The following CFAP100 variants were observed in gnomAD, a reference collection of about 807,000 sequenced individuals.
The protein encoded by CFAP100 is cilia and flagella associated protein 100.
A neutral mutation model predicts 81.5 loss-of-function variants in CFAP100; 70 were observed. The observed-to-expected ratio is 0.86, with a 90% CI of 0.71 to 1.05. CFAP100 has a LOEUF of 1.05. Ranked by LOEUF, CFAP100 falls within the 50% of genes least tolerant of loss-of-function variation. The pLI is 0.00. For synonymous variants in CFAP100, 341 were observed against 314.8 expected (o/e 1.08, Z -0.88); for missense variants, 811 against 776.5 (o/e 1.04, Z -0.53).
chr3:126,407,363 G>A (rs967131150), intron 3 of CFAP100, 111 bp downstream of exon 3: 8 of 613,978 alleles, frequency 1.3e-5, no homozygotes, highest in South Asian at 2.3e-5. Context: ...AGAAGGAAAT[G>A]TTTCTCTTTC....
At chr3:126,413,732 C>A (rs1466010947) in intron 3 of CFAP100, among the ~76,000 whole-genome samples, 1 of 152,226 alleles carries the variant, frequency 6.6e-6, no homozygotes, top group Non-Finnish European at 1.5e-5. Flanking sequence ...CCCTGGTCAC[C>A]AGGCCCATCA....
intron 11 of CFAP100, 46 bp from the exon 12 acceptor site, chr3:126,423,279 C>T (rs1242826211): frequency 1.3e-6 from 2 of 1,548,802 alleles, no homozygotes; most frequent in African/African-American, 1.4e-5. Context: ...TGGCTCCTGT[C>T]TGCTCAGGCT....
chr3:126,428,468 C>T (rs905592272), intron 13 of CFAP100, among the ~76,000 whole-genome samples: 2 of 152,110 alleles, frequency 1.3e-5, no homozygotes, highest in African/African-American at 2.4e-5. Context: ...TTTGTCCAAA[C>T]CCATAGAATA....
Position 126,419,115 on chromosome 3 carries a change from T to C in CFAP100, c.690T>C (p.Leu230=), listed in dbSNP as rs1178883429. 6.3e-7 allele frequency: 1 copy of C among 1,583,042 alleles called. No individual in the cohort carries two copies. The change falls in exon 8 of 17, where the codon CTT becomes CTC. Residue 230 remains leucine (L), a synonymous_variant. Coordinates refer to ENST00000352312, the MANE Select transcript of CFAP100 (RefSeq NM_182628.3). The part of the protein sequence containing the change: ...KETKAKIEKI[L]EIRDLTTQIV... ...CCAAAGCCAAGATAGAGAAGATCCT[T>C]GAGATCCGGGACCTCACCACCCAGA...
At chr3:126,419,538 C>A in intron 8 of CFAP100, 99 bp from the exon 9 acceptor site, 3 of 1,100,598 alleles carry the variant, frequency 2.7e-6, no homozygotes, top group Non-Finnish European at 4.0e-6. Flanking sequence ...GGAGCCCACA[C>A]AGACTTGGCC....
chr3:126,419,045 C>CCAACCCACA, intron 7 of CFAP100, 31 bp from the exon 8 acceptor site: 1 of 858,120 alleles, frequency 1.2e-6, no homozygotes, highest in Non-Finnish European at 1.9e-6. Flanking sequence ...CCCTTGCCCC[C>CCAACCCACA]ATCCCTCCTC....
Position 126,436,505 on chromosome 3 carries a change from C to CT in CFAP100, c.*102dup. ...CTCGAGTGGCCCAACTGAGTCCTCT[C>CT]TGTCTCCTGTGTGCTCCCTTCCTCA... On this transcript the variant is annotated 3_prime_UTR_variant, in exon 17 of 17. Coordinates refer to ENST00000352312, the MANE Select transcript of CFAP100 (RefSeq NM_182628.3). 1 of 785,384 alleles carries CT rather than the reference C, an allele frequency of 1.3e-6. No individual in the cohort carries two copies. 48.7% of individuals were successfully genotyped at this position (785,384 alleles called of 1,614,324 possible).
At chr3:126,430,945 G>A (rs2107617790) in intron 13 of CFAP100, among the ~76,000 whole-genome samples, 1 of 152,180 alleles carries the variant, frequency 6.6e-6, no homozygotes, top group African/African-American at 2.4e-5. Context: ...AGGCTTATCA[G>A]GTTCCTTTTG....
chr3:126,401,199 T>A (rs925734690), intron 2 of CFAP100, among the ~76,000 whole-genome samples: 2 of 151,684 alleles, frequency 1.3e-5, no homozygotes, highest in African/African-American at 2.4e-5. Context: ...TGGGGAGTTG[T>A]TTAATGCACG....
chr3:126,405,739 A>G (rs2083053076), intron 2 of CFAP100, among the ~76,000 whole-genome samples: 1 of 152,198 alleles, frequency 6.6e-6, no homozygotes, highest in South Asian at 2.1e-4. Flanking sequence ...ATATCAATAC[A>G]TCAAACCTGT....
chr3:126,418,284 T>C (rs2083273376), intron 5 of CFAP100, 174 bp from the exon 6 acceptor site: 1 of 612,444 alleles, frequency 1.6e-6, no homozygotes, highest in Non-Finnish European at 2.9e-6. Context: ...CAGAGCCTTC[T>C]CTCTTTTTGT....
chr3:126,397,820 C>T (rs1466746983), intron 2 of CFAP100, among the ~76,000 whole-genome samples: 1 of 152,208 alleles, frequency 6.6e-6, no homozygotes, highest in Admixed American at 6.5e-5. Context: ...GACACTGAGC[C>T]ACCTGGAGTG....
intron 5 of CFAP100, among the ~76,000 whole-genome samples, chr3:126,417,277 T>C (rs2107604177): frequency 6.8e-6 from 1 of 147,788 alleles, no homozygotes; most frequent in South Asian, 2.2e-4. Context: ...AATGTGCTAA[T>C]ACATTGGCTG....
At chr3:126,416,262 C>T (rs2083237335) in intron 4 of CFAP100, 54 bp from the exon 5 acceptor site, 28 of 1,321,862 alleles carry the variant, frequency 2.1e-5, no homozygotes, top group Non-Finnish European at 2.8e-5. Context: ...CGCGGGGAGG[C>T]CTGGACGCGG....
chr3:126,418,519 C>A lies in CFAP100; in HGVS notation c.480C>A (p.Leu160=). The change falls in exon 6 of 17, where the codon CTC becomes CTA. Residue 160 remains leucine, a synonymous_variant. Transcript: ENST00000352312. The part of the protein sequence containing the change: ...GYIKQKRQMF[L]LQYALDVKRR... The stretch of plus-strand genomic sequence containing the variant: ...TTAAGCAGAAGCGGCAAATGTTCCT[C>A]CTCCAGGTAGGTCCCGTGGCCCCCA... 6.2e-7 allele frequency: 1 copy of A among 1,614,144 alleles called. No individual in the cohort carries two copies. The highest frequency in any genetic ancestry group is 1.1e-5 in the South Asian group (1 of 91,076).
At chr3:126,430,360 G>A (rs1226126488) in intron 13 of CFAP100, among the ~76,000 whole-genome samples, 2 of 152,168 alleles carry the variant, frequency 1.3e-5, no homozygotes, top group African/African-American at 4.8e-5. Context: ...AGCTAGAAGA[G>A]AATAATTTGA....
chr3:126,432,303 A>AG (rs1408506328), intron 13 of CFAP100, among the ~76,000 whole-genome samples: 7 of 150,696 alleles, frequency 4.6e-5, no homozygotes, highest in African/African-American at 1.7e-4. Flanking sequence ...AAAAAAAAAA[A>AG]AGGAAAAAAG....
intron 2 of CFAP100, among the ~76,000 whole-genome samples, chr3:126,404,518 T>C (rs2083033272): frequency 6.6e-6 from 1 of 152,182 alleles, no homozygotes; most frequent in African/African-American, 2.4e-5. Context: ...ATATTTATCA[T>C]TCCACACTGA....
chr3:126,434,321 A>G lies in CFAP100; in HGVS notation c.1568A>G (p.His523Arg). ...QLDELLENLE[H>R]VPQVKIEQAE... The stretch of plus-strand genomic sequence containing the variant: ...GATGAGCTGCTAGAGAACCTGGAGC[A>G]CGTGCCCCAGGTCAAGATCGAGCAG... The change falls in exon 15 of 17, where the codon CAC becomes CGC. Residue 523 changes from histidine to arginine, a missense_variant. By Grantham distance (29) the His-to-Arg change is conservative (BLOSUM62 0). Transcript: ENST00000352312. 1 of 1,614,102 alleles carries G rather than the reference A, an allele frequency of 6.2e-7. No individual in the cohort carries two copies. Among genetic ancestry groups the G allele is most frequent in the Non-Finnish European group, 8.5e-7 (1 of 1,180,030 alleles).
Sources: gnomAD v4.1 joint callset for allele counts (sites outside exome capture counted in the v4.1 genomes callset) on GRCh38, gnomAD v4.1.1 for gene constraint, MANE v1.5 for transcripts, NCBI Gene and HGNC (gene_info 2026-07-23, HGNC 2026-07-21) for gene names.